The following EML3 variants were observed in gnomAD, a reference collection of about 807,000 sequenced individuals.
The protein encoded by EML3 is EMAP like 3.
In EML3, 53 loss-of-function variants were observed where a neutral mutation model predicts 106.7. The ratio of observed to expected loss-of-function variants is 0.50; its 90% CI spans 0.40 to 0.62. The LOEUF (loss-of-function observed/expected upper bound fraction) is 0.62, where lower values mean the gene tolerates loss of function less well. EML3 is among the 20% of genes least tolerant of loss of function. EML3 has a pLI of 0.00. For synonymous variants in EML3, 499 were observed against 489.6 expected (o/e 1.02, Z -0.25); for missense variants, 994 against 1,209.1 (o/e 0.82, Z 2.64).
In EML3 at chr11:62,609,435, G is replaced by A; in HGVS notation, c.677C>T (p.Thr226Ile). 1 of 1,597,220 alleles carries A rather than the reference G, an allele frequency of 6.3e-7. No homozygotes were observed. The highest frequency in any genetic ancestry group is 8.5e-7 in the Non-Finnish European group (1 of 1,171,606). ...VKMFLRGRPI[T>I]MYIPSGIRSL... is the part of the protein sequence containing the mutation. ...GCGGATGCCAGACGGGATGTACATG[G>A]TAATGGGGCGCCCTCGAAGGAACAT... The change falls in exon 6 of 22, where the codon ACC becomes ATC. Residue 226 changes from threonine (T) to isoleucine (I), a missense_variant. Coordinates refer to ENST00000394773, the MANE Select transcript of EML3 (RefSeq NM_153265.3).
At chr11:62,609,944 G>A (rs547572507) in intron 4 of EML3, among the ~76,000 whole-genome samples, 1 of 152,312 alleles carries the variant, frequency 6.6e-6, no homozygotes, top group African/African-American at 2.4e-5. Flanking sequence ...GCAGTGCAGG[G>A]TGCCAGAGCC....
At position 62,609,493 on chromosome 11, in the gene EML3, G is replaced by A; in HGVS notation, c.635-16C>T. Reference sequence around the variant, plus strand: ...GAGATGCCTTCTACAGAGAAAAGGGGTGGTGTCAACTACCCCCTTCCAGGA... The same window carrying A: ...GAGATGCCTTCTACAGAGAAAAGGGATGGTGTCAACTACCCCCTTCCAGGA... On this transcript the variant is annotated splice_polypyrimidine_tract_variant and intron_variant, in intron 5 of 21. Coordinates refer to ENST00000394773, the MANE Select transcript of EML3 (RefSeq NM_153265.3). 1.3e-6 allele frequency: 2 copies of A among 1,552,980 alleles called. No individual in the cohort carries two copies. The highest frequency in any genetic ancestry group is 1.7e-6 in the Non-Finnish European group (2 of 1,147,720).
rs763781470 is a variant in EML3 at position 62,605,656 on chromosome 11, T to C, written c.1900A>G (p.Ser634Gly). Reference sequence around the variant, plus strand: ...CAGGGCTCTACCTTGAGGTCGATGCTCCAGGCCAGTGCATGGCTCTCCCCA... The same window carrying C: ...CAGGGCTCTACCTTGAGGTCGATGCCCCAGGCCAGTGCATGGCTCTCCCCA... ...WDGESHALAW[S>G]IDLKETGLCA... Residue 634 changes from serine (S) to glycine (G), a missense_variant, in exon 15 of 22, where the codon AGC (serine) becomes GGC (glycine). Ser to Gly is a moderately conservative substitution (Grantham distance 56, BLOSUM62 0). Coordinates refer to ENST00000394773, the MANE Select transcript of EML3 (RefSeq NM_153265.3). The surrounding 1 kb of genome is among the most constrained non-coding windows in gnomAD (Gnocchi z 5.2). The C allele has an allele frequency of 1.3e-6, 2 of 1,561,318 alleles. No homozygotes were observed. Among genetic ancestry groups the C allele is most frequent in the Non-Finnish European group, 1.7e-6 (2 of 1,154,596 alleles).
Position 62,608,628 on chromosome 11 carries a change from A to C in EML3, c.1024T>G (p.Trp342Gly). The change falls in exon 9 of 22, where the codon TGG becomes GGG. Residue 342 changes from tryptophan (W) to glycine (G), a missense_variant. Physicochemically the swap from Trp to Gly is radical, Grantham distance 184. Coordinates refer to ENST00000394773, the MANE Select transcript of EML3 (RefSeq NM_153265.3). ...AGTTTCAACAGCGTCTCTGAGTCCC[A>C]GATGTGAACCACAGGCTGCAGGGGC... ...GKPLQPVVHI[W>G]DSETLLKLQE... is the part of the protein sequence containing the mutation. 1 of 1,614,240 alleles carries C rather than the reference A, an allele frequency of 6.2e-7. No individual in the cohort carries two copies. The highest frequency in any genetic ancestry group is 8.5e-7 in the Non-Finnish European group (1 of 1,180,042).
rs781492095 is a variant in EML3, at chr11:62,611,495, G to T, written c.124C>A (p.Arg42Ser). The change falls in exon 2 of 22, where the codon CGC becomes AGC. Residue 42 changes from arginine to serine, a missense_variant. Coordinates refer to ENST00000394773, the MANE Select transcript of EML3 (RefSeq NM_153265.3). Reference sequence around the variant, plus strand: ...GGGGGCACCTGCAGCCGCAGCAGGCGAAGGGCTTCTGCCAGGGCTGCCTTT... The same window carrying T: ...GGGGGCACCTGCAGCCGCAGCAGGCTAAGGGCTTCTGCCAGGGCTGCCTTT... ...LVKAALAEAL[R>S]LLRLQVPPSS... 6.2e-7 allele frequency: 1 copy of T among 1,613,762 alleles called. No individual in the cohort carries two copies. The highest frequency in any genetic ancestry group is 1.1e-5 in the South Asian group (1 of 91,092).
chr11:62,605,577 A>G lies in EML3; in HGVS notation c.1914+65T>C. 1 of 1,498,730 alleles carries G rather than the reference A, an allele frequency of 6.7e-7. No individual in the cohort carries two copies. The highest frequency in any genetic ancestry group is 8.9e-7 in the Non-Finnish European group (1 of 1,124,926). 92.8% of individuals were successfully genotyped at this position (1,498,730 alleles called of 1,614,324 possible). A position where few individuals can be genotyped will look rare whatever the true frequency, so the allele number is the denominator to read the frequency against. On this transcript the variant is annotated intron_variant, in intron 15 of 21. Coordinates refer to ENST00000394773, the MANE Select transcript of EML3 (RefSeq NM_153265.3). The surrounding 1 kb of genome is among the most constrained non-coding windows in gnomAD (Gnocchi z 5.2). ...GAGGCAGAAGGCAAGGTGCTGGGGA[A>G]GGCGTGGTGGCCACAGGTGTCCTGG... is the stretch of plus-strand genomic sequence containing the variant.
Position 62,612,398 on chromosome 11 carries a change from C to A in EML3, c.22+38G>T, listed in dbSNP as rs900775291. 2.1e-5 allele frequency: 32 copies of A among 1,498,606 alleles called. No individual in the cohort carries two copies. In the African/African-American group the frequency reaches 4.5e-4, roughly 21 times the overall value. The allele number at this position is 1,498,606 out of a possible 1,614,324, so 92.8% of individuals were successfully genotyped here. A position where few individuals can be genotyped will look rare whatever the true frequency, so the allele number is the denominator to read the frequency against. On this transcript the variant is annotated intron_variant, in intron 1 of 21. Coordinates refer to ENST00000394773, the MANE Select transcript of EML3 (RefSeq NM_153265.3). ...GCATAACCCGACGAGCCGGGCGCTC[C>A]GGGAAGGGGCACGCCGCCCGCCCCG...
Position 62,603,761 on chromosome 11 carries a change from A to C in EML3, c.2225T>G (p.Met742Arg). Reference protein sequence around the residue: ...LDWSKDGNFIMSNSGDYEILY... With the variant: ...LDWSKDGNFIRSNSGDYEILY... The stretch of plus-strand genomic sequence containing the variant: ...AATCTCATAGTCCCCAGAATTGGAC[A>C]TGATGAAATTCCCATCCTTGGACCA... The change falls in exon 19 of 22, where the codon ATG (methionine) becomes AGG (arginine). Residue 742 changes from methionine (M) to arginine (R), a missense_variant. Met to Arg is a moderately conservative substitution (Grantham distance 91). Transcript: ENST00000394773. 6.2e-7 allele frequency: 1 copy of C among 1,614,164 alleles called. No homozygotes were observed. The highest frequency in any genetic ancestry group is 8.5e-7 in the Non-Finnish European group (1 of 1,180,018).
Position 62,602,789 on chromosome 11 carries a change from A to C in EML3, c.2457T>G (p.His819Gln). 1 of 1,611,570 alleles carries C rather than the reference A, an allele frequency of 6.2e-7. No individual in the cohort carries two copies. The highest frequency in any genetic ancestry group is 2.2e-5 in the East Asian group (1 of 44,822). The change falls in exon 21 of 22, where the codon CAT becomes CAG. Residue 819 changes from histidine (H) to glutamine (Q), a missense_variant. By Grantham distance (24) the His-to-Gln change is conservative. Transcript: ENST00000394773. ...CACGAGCGCACGGGTACTGGAAGAG[A>C]TGCACTTTGCAGAAGTCGTCGGCCA... is the stretch of plus-strand genomic sequence containing the variant. ...VAVADDFCKV[H>Q]LFQYPCARAK...
intron 4 of EML3, among the ~76,000 whole-genome samples, 178 bp from the exon 5 acceptor site, chr11:62,609,874 T>G (rs780535314): frequency 2.1e-4 from 32 of 152,122 alleles, no homozygotes; most frequent in Non-Finnish European, 3.2e-4. Context: ...ATTTAAGAGA[T>G]AAGAAGATTG....
intron 5 of EML3, 38 bp from the exon 6 acceptor site, chr11:62,609,515 A>G (rs2134393227): frequency 1.3e-6 from 2 of 1,542,542 alleles, no homozygotes; most frequent in Middle Eastern, 3.5e-4. Context: ...ACCCCCTTCC[A>G]GGAAAGACAG....
At position 62,610,930 on chromosome 11, in the gene EML3, C is replaced by A; in HGVS notation, c.515G>T (p.Arg172Met). 6.2e-7 allele frequency: 1 copy of A among 1,613,390 alleles called. No individual in the cohort carries two copies. The highest frequency in any genetic ancestry group is 8.5e-7 in the Non-Finnish European group (1 of 1,179,798). ...PSERPRQKLS[R>M]KAISSANLLV... ...CAGGTTGGCGGAGGAGATTGCCTTCCTGGAGAGCTTCTGCCGAGGCCGCTC... is the reference window on the plus strand; with the variant it reads ...CAGGTTGGCGGAGGAGATTGCCTTCATGGAGAGCTTCTGCCGAGGCCGCTC... The change falls in exon 4 of 22, where the codon AGG becomes ATG. Residue 172 changes from arginine (R) to methionine (M), a missense_variant. Transcript: ENST00000394773.
rs1384859062 is a variant in EML3 at position 62,602,319 on chromosome 11, G to A, written c.*156C>T. ...CAGCGGGTCTAAACAGTGTGTGCAG[G>A]GGCGCCGTTCGCGCCCTCCAGGAAA... On this transcript the variant is annotated 3_prime_UTR_variant, in exon 22 of 22. Transcript: ENST00000394773. 4 of 1,551,120 alleles carry A rather than the reference G, an allele frequency of 2.6e-6. No individual in the cohort carries two copies. Among genetic ancestry groups the A allele is most frequent in the Non-Finnish European group, 3.5e-6 (4 of 1,146,886 alleles).
At chr11:62,610,826 AAGTCG>A in intron 4 of EML3, 48 bp downstream of exon 4, 2 of 1,486,176 alleles carry the variant, frequency 1.3e-6, no homozygotes, top group Non-Finnish European at 1.9e-6. Context: ...GGGATATGGA[AAGTCG>A]AGAGCCTGCG....
Position 62,612,744 on chromosome 11 carries a change from A to C in EML3, c.-287T>G. Reference sequence around the variant, plus strand: ...TCCGGTGCCACAGCGCCGCAGCACAAACAGGCGCCGGACGCGGAGCCGCCA... The same window carrying C: ...TCCGGTGCCACAGCGCCGCAGCACACACAGGCGCCGGACGCGGAGCCGCCA... On this transcript the variant is annotated 5_prime_UTR_variant, in exon 1 of 22. Coordinates refer to ENST00000394773, the MANE Select transcript of EML3 (RefSeq NM_153265.3). The C allele has an allele frequency of 6.5e-6, 2 of 306,606 alleles. No homozygotes were observed. The highest frequency in any genetic ancestry group is 5.5e-5 in the East Asian group (1 of 18,110). 19.0% of individuals were successfully genotyped at this position (306,606 alleles called of 1,614,324 possible).
intron 18 of EML3, 30 bp downstream of exon 18, chr11:62,603,914 A>AT: frequency 6.2e-7 from 1 of 1,613,374 alleles, no homozygotes; most frequent in Non-Finnish European, 8.5e-7. Context: ...AGCTGTTATC[A>AT]TGCCCCACCA....
intron 1 of EML3, 57 bp downstream of exon 1, chr11:62,612,379 C>T (rs532156042): frequency 1.3e-6 from 2 of 1,486,648 alleles, no homozygotes; most frequent in East Asian, 5.6e-5. Context: ...TCTGGCATAA[C>T]CCGACGAGCC....
At chr11:62,607,888 C>T (rs1942615592) in intron 10 of EML3, 67 bp from the exon 11 acceptor site, 3 of 1,551,080 alleles carry the variant, frequency 1.9e-6, no homozygotes, top group Middle Eastern at 1.7e-4. Flanking sequence ...TGACTCTCCT[C>T]AATTTGCATC....
chr11:62,607,510 C>A, intron 11 of EML3, 156 bp downstream of exon 11: 1 of 856,088 alleles, frequency 1.2e-6, no homozygotes. Flanking sequence ...GCACTCTGGC[C>A]TGGGTGACAA....
Sources: gnomAD v4.1 joint callset for allele counts (sites outside exome capture counted in the v4.1 genomes callset) on GRCh38, gnomAD v4.1.1 for gene constraint, Gnocchi (gnomAD v3.1) non-coding constraint, MANE v1.5 for transcripts, NCBI Gene and HGNC (gene_info 2026-07-23, HGNC 2026-07-21) for gene names.